GRID2: variants seen among roughly 807,000 people sequenced by gnomAD.
GRID2 encodes the protein glutamate receptor ionotropic, delta-2.
In GRID2, 33 loss-of-function variants were observed where a neutral mutation model predicts 114.8. The observed-to-expected ratio is 0.29, with a 90% CI of 0.22 to 0.38. GRID2 has a LOEUF of 0.38. Ranked by LOEUF, GRID2 falls within the 10% of genes least tolerant of loss-of-function variation. The probability of loss-of-function intolerance (pLI) is 1.00; values close to 1 mark genes in which losing one functional copy is unlikely to be tolerated. For missense variants in GRID2, 1,184 were observed against 1,257.7 expected (o/e 0.94, Z 0.89); for synonymous variants, 505 against 449.9 (o/e 1.12, Z -1.55).
intron 2 of GRID2, among the ~76,000 whole-genome samples, chr4:92,707,540 G>A (rs185334438): frequency 1.0e-3 from 159 of 152,244 alleles, no homozygotes; most frequent in Admixed American, 5.1e-3. Flanking sequence ...TAGTGGGAGA[G>A]ACAGAAAAAT....
intron 13 of GRID2, among the ~76,000 whole-genome samples, chr4:93,537,557 G>C (rs1306590131): frequency 6.6e-6 from 1 of 151,812 alleles, no homozygotes; most frequent in East Asian, 1.9e-4. Context: ...TAAATCTAAA[G>C]TAGCAGTTTT....
intron 2 of GRID2, among the ~76,000 whole-genome samples, chr4:92,756,090 G>A (rs116335353): frequency 4.6e-5 from 7 of 151,938 alleles, no homozygotes; most frequent in South Asian, 4.2e-4. Context: ...CTTCACACGC[G>A]TCCCCACCCC....
chr4:93,390,645 G>A (rs914567421), intron 8 of GRID2, among the ~76,000 whole-genome samples: 3 of 151,976 alleles, frequency 2.0e-5, no homozygotes, highest in African/African-American at 7.2e-5. Flanking sequence ...TAGTGTAATG[G>A]TAATTTTATA....
chr4:92,449,268 G>T (rs1057413001), intron 1 of GRID2, among the ~76,000 whole-genome samples: 1 of 151,948 alleles, frequency 6.6e-6, no homozygotes, highest in African/African-American at 2.4e-5. Flanking sequence ...GTTTTGTAAT[G>T]CAAAGTTGAT....
chr4:93,324,197 C>T (rs549479445), intron 8 of GRID2, among the ~76,000 whole-genome samples: 1 of 152,196 alleles, frequency 6.6e-6, no homozygotes, highest in South Asian at 2.1e-4. Context: ...TCATAAATAG[C>T]TCTTATTATT....
chr4:93,560,006 C>T (rs775124891), intron 13 of GRID2, among the ~76,000 whole-genome samples: 78 of 151,956 alleles, frequency 5.1e-4, no homozygotes, highest in Non-Finnish European at 1.0e-3. Flanking sequence ...CATGTTCTCA[C>T]TCATAAGTGG....
rs1450641181 is a variant in GRID2, at chr4:92,751,928, C to G, written c.244+161642C>G. Among the ~76,000 whole-genome samples the G allele has an allele frequency of 2.6e-5, 4 of 152,144 alleles. No individual in the cohort carries two copies. The East Asian group carries it at 7.7e-4, about 29-fold the overall frequency. ...AGTAAGACTTCAATAGCCACCTAGACAGTTTGGATGATGGCCAGATGAGCC... is the reference window on the plus strand; with the variant it reads ...AGTAAGACTTCAATAGCCACCTAGAGAGTTTGGATGATGGCCAGATGAGCC... On this transcript the variant is annotated intron_variant, in intron 2 of 15. Coordinates refer to ENST00000282020, the MANE Select transcript of GRID2 (RefSeq NM_001510.4).
In GRID2 at chr4:93,299,987, T is replaced by G. The variant is rs759351405; in HGVS notation, c.1245+61497T>G. Among the ~76,000 whole-genome samples the G allele has an allele frequency of 2.0e-4, 30 of 152,310 alleles. 1 individual carries two copies. The highest frequency in any genetic ancestry group is 3.4e-3 in the Middle Eastern group (1 of 294). The stretch of plus-strand genomic sequence containing the variant: ...ATCTGCAGATGCCCAAGTCCCTTAT[T>G]TAAGATGAAGTAGTATTTGCATATA... On this transcript the variant is annotated intron_variant, in intron 8 of 15. Transcript: ENST00000282020.
chr4:92,305,106 T>C (rs1725307723), intron 1 of GRID2, among the ~76,000 whole-genome samples: 1 of 152,132 alleles, frequency 6.6e-6, no homozygotes, highest in Non-Finnish European at 1.5e-5. Flanking sequence ...GATGTACATT[T>C]GCTCCATTTA....
At chr4:92,362,477 G>A (rs1222644769) in intron 1 of GRID2, among the ~76,000 whole-genome samples, 1 of 151,864 alleles carries the variant, frequency 6.6e-6, no homozygotes, top group African/African-American at 2.4e-5. Flanking sequence ...TCTGTAGCAT[G>A]TATTTTCCAA....
chr4:92,849,846 C>T (rs1258698364), intron 2 of GRID2, among the ~76,000 whole-genome samples: 1 of 151,516 alleles, frequency 6.6e-6, no homozygotes, highest in Non-Finnish European at 1.5e-5. Context: ...TGTTTCATTG[C>T]TATGATTTTT....
At chr4:93,231,286 CTTCA>C (rs952336441) in intron 7 of GRID2, among the ~76,000 whole-genome samples, 4 of 149,696 alleles carry the variant, frequency 2.7e-5, no homozygotes, top group African/African-American at 4.9e-5. Flanking sequence ...CAACAGGGCA[CTTCA>C]TTCATGTATT....
intron 1 of GRID2, among the ~76,000 whole-genome samples, chr4:92,453,306 A>G (rs867532963): frequency 2.0e-4 from 31 of 152,144 alleles, no homozygotes; most frequent in African/African-American, 7.0e-4. Context: ...GGCCAGGCCA[A>G]CAGGGAGTCA....
intron 8 of GRID2, among the ~76,000 whole-genome samples, chr4:93,266,994 A>T (rs1011758310): frequency 8.3e-6 from 1 of 121,010 alleles, no homozygotes; most frequent in African/African-American, 3.4e-5. Flanking sequence ...CTCTATTTCC[A>T]TGTATACATG....
intron 2 of GRID2, among the ~76,000 whole-genome samples, chr4:92,996,181 T>A (rs1036990088): frequency 6.6e-6 from 1 of 151,660 alleles, no homozygotes; most frequent in African/African-American, 2.4e-5. Flanking sequence ...TCCCAGCAAC[T>A]TGGGAGGCTG....
At chr4:93,383,723 C>G (rs1317490951) in intron 8 of GRID2, among the ~76,000 whole-genome samples, 1 of 152,132 alleles carries the variant, frequency 6.6e-6, no homozygotes, top group Non-Finnish European at 1.5e-5. Flanking sequence ...GCCACTACCC[C>G]CTACACAGCT....
chr4:93,744,648 CTG>C (rs1214838272), intron 14 of GRID2, among the ~76,000 whole-genome samples: 1 of 152,122 alleles, frequency 6.6e-6, no homozygotes, highest in Non-Finnish European at 1.5e-5. Context: ...GCTGTGAACA[CTG>C]TTGAAATAAC....
chr4:93,031,061 G>C (rs545158492), intron 2 of GRID2, among the ~76,000 whole-genome samples: 33 of 137,398 alleles, frequency 2.4e-4, no homozygotes, highest in African/African-American at 8.3e-4. Flanking sequence ...TTTTGACATG[G>C]AGTCTCGCTC....
chr4:93,678,706 A>C (rs1458801878), intron 14 of GRID2, among the ~76,000 whole-genome samples: 3 of 151,626 alleles, frequency 2.0e-5, no homozygotes, highest in Non-Finnish European at 4.4e-5. Flanking sequence ...TAAATAAAAT[A>C]CTTTACAGAC....
Sources: allele counts gnomAD v4.1 joint callset (sites outside exome capture counted in the v4.1 genomes callset), GRCh38; gene constraint gnomAD v4.1.1; transcripts MANE v1.5; gene names NCBI Gene and HGNC (gene_info 2026-07-23, HGNC 2026-07-21).